Variants in LUC7L3 observed in about 807,000 individuals in gnomAD.
The protein encoded by LUC7L3 is luc7-like protein 3.
LUC7L3 carries 6 observed loss-of-function variants against 66.8 expected under a neutral mutation model. That is an observed-to-expected ratio of 0.09 (90% CI 0.05 to 0.18). The LOEUF is 0.18. LUC7L3 is among the 10% of genes least tolerant of loss of function. The pLI is 1.00. For missense variants in LUC7L3, 341 were observed against 531.1 expected, an observed-to-expected ratio of 0.64 and a Z score of 3.52; for synonymous variants, 160 against 174.7, an observed-to-expected ratio of 0.92 and a Z score of 0.66.
chr17:50,727,518 C>G (rs960989940), intron 1 of LUC7L3, among the ~76,000 whole-genome samples: 1 of 152,144 alleles, frequency 6.6e-6, no homozygotes, highest in Non-Finnish European at 1.5e-5. Context: ...ATAGCAGTGC[C>G]CCAGCCCCCC....
chr17:50,745,543 C>T (rs1597936137), intron 7 of LUC7L3, among the ~76,000 whole-genome samples, 177 bp from the exon 8 acceptor site: 1 of 152,184 alleles, frequency 6.6e-6, no homozygotes, highest in Non-Finnish European at 1.5e-5. Flanking sequence ...GAAGAATATT[C>T]CTGAGGATTA....
intron 1 of LUC7L3, among the ~76,000 whole-genome samples, chr17:50,729,658 G>A (rs915807673): frequency 6.6e-6 from 1 of 151,850 alleles, no homozygotes; most frequent in South Asian, 2.1e-4. Flanking sequence ...GGAAACCAGA[G>A]TACTGGGAGA....
Position 50,725,868 on chromosome 17 carries a change from T to C in LUC7L3, c.99+6037T>C, listed in dbSNP as rs985312012. 8.5e-5 allele frequency among the ~76,000 whole-genome samples: 13 copies of C among 152,246 alleles called. 1 individual carries two copies. Among genetic ancestry groups the C allele is most frequent in the Admixed American group, 4.6e-4 (7 of 15,286 alleles). On this transcript the variant is annotated intron_variant, in intron 1 of 9. Transcript: ENST00000505658. ...AAAAGTTAAACTTTATAAAAACTTA[T>C]GCACACAGTACATGGTGCCACTAGC... is the stretch of plus-strand genomic sequence containing the variant.
At position 50,754,933 on chromosome 17, in the gene LUC7L3, G is replaced by A. The variant is rs576584302; in HGVS notation, c.*4272G>A. On this transcript the variant is annotated 3_prime_UTR_variant, in exon 10 of 10. Transcript: ENST00000505658. ...AGAACTGAAAATTTTTATGGTGGAA[G>A]TTCTCTGAGCCCTCATCCATTCTGT... 3 of 152,300 alleles carry A rather than the reference G, an allele frequency of 2.0e-5. No individual in the cohort carries two copies. Among genetic ancestry groups the A allele is most frequent in the Admixed American group, 2.0e-4 (3 of 15,310 alleles). The allele number at this position is 152,300 out of a possible 1,614,324, so 9.4% of individuals were successfully genotyped here.
chr17:50,747,442 ATATCT>A (rs1372451933), intron 9 of LUC7L3, among the ~76,000 whole-genome samples: 1 of 151,808 alleles, frequency 6.6e-6, no homozygotes, highest in African/African-American at 2.4e-5. Context: ...AAGATATAAA[ATATCT>A]TTTATTTTGT....
chr17:50,736,846 C>G, intron 1 of LUC7L3, 114 bp from the exon 2 acceptor site: 1 of 661,548 alleles, frequency 1.5e-6, no homozygotes, highest in Non-Finnish European at 2.6e-6. Flanking sequence ...GAAATTCTTA[C>G]ATTGGTTGAA....
intron 1 of LUC7L3, among the ~76,000 whole-genome samples, chr17:50,729,899 TATATATA>T (rs1969455366): frequency 7.9e-3 from 113 of 14,258 alleles, no homozygotes; most frequent in Middle Eastern, 0.059. Context: ...AAATACATTA[TATATATA>T]TATATATATA....
intron 9 of LUC7L3, 101 bp from the exon 10 acceptor site, chr17:50,750,400 A>G: frequency 1.8e-6 from 2 of 1,118,432 alleles, no homozygotes; most frequent in South Asian, 1.6e-5. Flanking sequence ...TCTGTGGGAA[A>G]TGATTGTCTC....
intron 1 of LUC7L3, among the ~76,000 whole-genome samples, chr17:50,727,964 T>A (rs1157829508): frequency 8.0e-6 from 1 of 124,566 alleles, no homozygotes; most frequent in East Asian, 2.2e-4. Context: ...AAAAAAAAAA[T>A]TAGCTGGGCG....
intron 2 of LUC7L3, among the ~76,000 whole-genome samples, chr17:50,738,514 A>G (rs1166633002): frequency 6.6e-6 from 1 of 152,214 alleles, no homozygotes; most frequent in Non-Finnish European, 1.5e-5. Context: ...ATGAGAAGAC[A>G]CTATATTCTT....
chr17:50,749,219 G>C, intron 9 of LUC7L3: 3 of 1,289,030 alleles, frequency 2.3e-6, no homozygotes, highest in Non-Finnish European at 3.0e-6. Flanking sequence ...ATTTACATAG[G>C]GCAGAAGATA....
intron 9 of LUC7L3, chr17:50,749,254 C>T (rs1305387210): frequency 5.4e-6 from 7 of 1,288,898 alleles, no homozygotes; most frequent in Non-Finnish European, 7.1e-6. Context: ...ACTACTAGTC[C>T]TCTACGGGAC....
At chr17:50,747,806 A>G (rs983692719) in intron 9 of LUC7L3, among the ~76,000 whole-genome samples, 4 of 152,190 alleles carry the variant, frequency 2.6e-5, no homozygotes, top group African/African-American at 4.8e-5. Context: ...TTTTACTGTA[A>G]TGTGAGAAAG....
At chr17:50,741,298 CA>C (rs1970332509) in intron 4 of LUC7L3, 52 bp downstream of exon 4, 2 of 1,546,202 alleles carry the variant, frequency 1.3e-6, no homozygotes, top group African/African-American at 2.8e-5. Flanking sequence ...TCTGGAGATT[CA>C]GAGACCTCCC....
rs1968609710 is a variant in LUC7L3, at chr17:50,719,731, C to A, written c.-2C>A. ...TGGGAACAGCCGCCCGAAGGAAGCA[C>A]CATGATTTCGGCCGCGCAGTTGTTG... On this transcript the variant is annotated 5_prime_UTR_variant, in exon 1 of 10. Transcript: ENST00000505658. The A allele has an allele frequency of 1.2e-6, 2 of 1,610,682 alleles. No individual in the cohort carries two copies. The highest frequency in any genetic ancestry group is 1.7e-5 in the Admixed American group (1 of 59,712).
chr17:50,720,101 AAG>A (rs1968641907), intron 1 of LUC7L3, among the ~76,000 whole-genome samples: 1 of 152,246 alleles, frequency 6.6e-6, no homozygotes, highest in South Asian at 2.1e-4. Flanking sequence ...CGCGGGAAAG[AAG>A]GATAGCAGCG....
At chr17:50,742,980 A>G (rs1187797940) in intron 5 of LUC7L3, among the ~76,000 whole-genome samples, 1 of 152,202 alleles carries the variant, frequency 6.6e-6, no homozygotes, top group Non-Finnish European at 1.5e-5. Flanking sequence ...AAAAAGGAAT[A>G]TAGACTCTAT....
chr17:50,734,202 T>A (rs973667826), intron 1 of LUC7L3, among the ~76,000 whole-genome samples: 4 of 151,946 alleles, frequency 2.6e-5, no homozygotes, highest in Non-Finnish European at 5.9e-5. Context: ...AGTTTCTTTC[T>A]TGCTGCCCAG....
intron 1 of LUC7L3, chr17:50,721,952 A>G (rs1198566061): frequency 2.0e-5 from 3 of 152,002 alleles, no homozygotes; most frequent in East Asian, 3.8e-4. Context: ...AAGGAAAGGA[A>G]GCAACCATTA....
Sources: allele counts gnomAD v4.1 joint callset (sites outside exome capture counted in the v4.1 genomes callset), GRCh38; gene constraint gnomAD v4.1.1; transcripts MANE v1.5; gene names NCBI Gene and HGNC (gene_info 2026-07-23, HGNC 2026-07-21).